The following EPHA6 variants were observed in gnomAD, a reference collection of about 807,000 sequenced individuals.
EPHA6 encodes ephrin type-A receptor 6.
In EPHA6, 50 loss-of-function variants were observed where a neutral mutation model predicts 112.0. The observed-to-expected ratio is 0.45, with a 90% CI of 0.36 to 0.56. EPHA6 has a LOEUF of 0.56. Ranked by LOEUF, EPHA6 falls within the 20% of genes least tolerant of loss-of-function variation. The probability of loss-of-function intolerance (pLI) is 0.00; values close to 1 mark genes in which losing one functional copy is unlikely to be tolerated. For missense variants in EPHA6, 1,280 were observed against 1,417.4 expected (o/e 0.90, Z 1.56); for synonymous variants, 529 against 490.7 (o/e 1.08, Z -1.03).
intron 5 of EPHA6, among the ~76,000 whole-genome samples, chr3:97,260,029 G>T (rs377559351): frequency 2.6e-5 from 4 of 152,102 alleles, no homozygotes; most frequent in Middle Eastern, 3.2e-3. Context: ...TGGAACTCCC[G>T]AACTCAGATG....
intron 14 of EPHA6, among the ~76,000 whole-genome samples, chr3:97,682,804 T>G (rs1430793347): frequency 6.6e-6 from 1 of 152,214 alleles, no homozygotes; most frequent in Non-Finnish European, 1.5e-5. Context: ...ATCTGTCATC[T>G]GTATACTCTA....
Position 97,761,392 on chromosome 3 carries a change from T to C in EPHA6, c.*12691T>C. Reference sequence around the variant, plus strand: ...CTGCTGAGCAACATAATAAGATTTTTGTACAAGGTACAAATTACTAATTAT... The same window carrying C: ...CTGCTGAGCAACATAATAAGATTTTCGTACAAGGTACAAATTACTAATTAT... On this transcript the variant is annotated 3_prime_UTR_variant, in exon 18 of 18. Coordinates refer to ENST00000389672, the MANE Select transcript of EPHA6 (RefSeq NM_001080448.3). The C allele has an allele frequency of 5.4e-6, 1 of 183,794 alleles. No individual in the cohort carries two copies. The highest frequency in any genetic ancestry group is 1.2e-5 in the Non-Finnish European group (1 of 86,392). The allele number at this position is 183,794 out of a possible 1,614,324, so 11.4% of individuals were successfully genotyped here. A position where few individuals can be genotyped will look rare whatever the true frequency, so the allele number is the denominator to read the frequency against.
chr3:97,488,565 G>A (rs1305721593), intron 10 of EPHA6, among the ~76,000 whole-genome samples: 1 of 152,094 alleles, frequency 6.6e-6, no homozygotes, highest in Non-Finnish European at 1.5e-5. Context: ...TAAAGAAACT[G>A]TATTTTTGTT....
chr3:97,421,547 C>A (rs550119018), intron 6 of EPHA6, among the ~76,000 whole-genome samples: 7 of 152,150 alleles, frequency 4.6e-5, no homozygotes, highest in African/African-American at 1.7e-4. Context: ...ATAGAAAGAT[C>A]AATTTTACCC....
intron 5 of EPHA6, among the ~76,000 whole-genome samples, chr3:97,398,210 A>G (rs976214501): frequency 6.6e-6 from 1 of 151,548 alleles, no homozygotes; most frequent in African/African-American, 2.4e-5. Flanking sequence ...AATGTAAAAC[A>G]CTGGTAATAT....
chr3:97,538,582 GA>G (rs1280548697), intron 11 of EPHA6, among the ~76,000 whole-genome samples: 2 of 152,180 alleles, frequency 1.3e-5, no homozygotes, highest in African/African-American at 4.8e-5. Context: ...AGATTACCCA[GA>G]AGATTGAGGA....
chr3:97,288,117 T>C (rs939931909), intron 5 of EPHA6, among the ~76,000 whole-genome samples: 2 of 151,664 alleles, frequency 1.3e-5, no homozygotes, highest in Non-Finnish European at 2.9e-5. Context: ...CAAGAGTACA[T>C]GTGCAGGTTT....
intron 4 of EPHA6, among the ~76,000 whole-genome samples, chr3:97,238,213 G>A (rs928192794): frequency 6.6e-6 from 1 of 151,836 alleles, no homozygotes; most frequent in South Asian, 2.1e-4. Context: ...AAGAGATGGT[G>A]GCACCTTATT....
intron 2 of EPHA6, among the ~76,000 whole-genome samples, chr3:96,903,902 A>G (rs1403275494): frequency 6.6e-6 from 1 of 152,162 alleles, no homozygotes; most frequent in Non-Finnish European, 1.5e-5. Flanking sequence ...CAAAACCACA[A>G]TGAGATACCA....
intron 4 of EPHA6, among the ~76,000 whole-genome samples, chr3:97,229,785 G>T (rs1448264880): frequency 1.3e-5 from 2 of 151,992 alleles, no homozygotes; most frequent in Non-Finnish European, 2.9e-5. Context: ...ATTCATTGTT[G>T]CTATTCATTA....
chr3:97,548,511 A>C (rs538119115), intron 11 of EPHA6, among the ~76,000 whole-genome samples: 2 of 152,122 alleles, frequency 1.3e-5, no homozygotes, highest in African/African-American at 4.8e-5. Flanking sequence ...ATCCATCCAT[A>C]ATTTTCTTTT....
Position 97,121,027 on chromosome 3 carries a change from A to G in EPHA6, c.1115-105237A>G, listed in dbSNP as rs142391065. ...CTGCCAAGATCACACAGCTATTCAG[A>G]GAAAACAGAATTAAATAAAATCCAT... On this transcript the variant is annotated intron_variant, in intron 3 of 17. Coordinates refer to ENST00000389672, the MANE Select transcript of EPHA6 (RefSeq NM_001080448.3). Among the ~76,000 whole-genome samples, 229 of 152,168 alleles carry G rather than the reference A, an allele frequency of 1.5e-3. 1 individual carries two copies. The highest frequency in any genetic ancestry group is 5.1e-3 in the African/African-American group (213 of 41,554).
chr3:97,741,745 A>G (rs1477373411), intron 16 of EPHA6, among the ~76,000 whole-genome samples: 7 of 152,238 alleles, frequency 4.6e-5, no homozygotes, highest in African/African-American at 1.7e-4. Flanking sequence ...CACTGCTTCA[A>G]AAATATGATT....
intron 5 of EPHA6, among the ~76,000 whole-genome samples, chr3:97,323,759 C>T (rs1576961237): frequency 6.6e-6 from 1 of 151,844 alleles, no homozygotes; most frequent in East Asian, 1.9e-4. Flanking sequence ...AAATCTTCCC[C>T]ACAATAGCGC....
intron 13 of EPHA6, among the ~76,000 whole-genome samples, chr3:97,623,896 T>G (rs76058507): frequency 0.021 from 3,124 of 151,838 alleles, 115 homozygotes; most frequent in African/African-American, 0.071. Context: ...CACAATATTT[T>G]GATTATTGTA....
chr3:97,485,330 C>T (rs1053669557), intron 10 of EPHA6, among the ~76,000 whole-genome samples: 3 of 152,292 alleles, frequency 2.0e-5, no homozygotes, highest in East Asian at 1.9e-4. Flanking sequence ...TATTTCAAGA[C>T]GGTGACAACA....
chr3:97,214,038 T>TGTGTGTGTGTGTGTGTGAGA (rs1491420279), intron 3 of EPHA6, among the ~76,000 whole-genome samples: 67 of 77,830 alleles, frequency 8.6e-4, no homozygotes, highest in African/African-American at 2.1e-3. Context: ...TGTGTGTGTG[T>TGTGTGTGTGTGTGTGTGAGA]GAGAGAGAGA....
intron 5 of EPHA6, among the ~76,000 whole-genome samples, chr3:97,375,627 T>C (rs1310296472): frequency 6.6e-6 from 1 of 152,172 alleles, no homozygotes; most frequent in African/African-American, 2.4e-5. Context: ...CTCAGCTTAA[T>C]TTTTTGAGGA....
chr3:96,985,951 A>G (rs1165007956), intron 2 of EPHA6, among the ~76,000 whole-genome samples: 3 of 152,164 alleles, frequency 2.0e-5, no homozygotes, highest in African/African-American at 4.8e-5. Flanking sequence ...ATTATAAATA[A>G]CTGAAGTATG....
Sources: allele counts gnomAD v4.1 joint callset (sites outside exome capture counted in the v4.1 genomes callset), GRCh38; gene constraint gnomAD v4.1.1; transcripts MANE v1.5; gene names NCBI Gene and HGNC (gene_info 2026-07-23, HGNC 2026-07-21).